The following LONRF2 variants were observed in gnomAD, a reference collection of about 807,000 sequenced individuals.
LONRF2 encodes the protein LON peptidase N-terminal domain and ring finger 2.
Under a neutral mutation model 66.6 loss-of-function variants are expected in LONRF2, and 35 were observed. The observed-to-expected ratio is 0.53, with a 90% CI of 0.40 to 0.70. The LOEUF is 0.70. LONRF2 is among the 30% of genes least tolerant of loss of function. The pLI is 0.00. For missense variants in LONRF2, 902 were observed against 1,002.1 expected (o/e 0.90, Z 1.35); for synonymous variants, 417 against 418.1 (o/e 1.00, Z 0.03).
chr2:100,293,982 G>A (rs768200656), intron 9 of LONRF2, among the ~76,000 whole-genome samples: 6 of 152,172 alleles, frequency 3.9e-5, no homozygotes, highest in Non-Finnish European at 8.8e-5. Flanking sequence ...GGAAGCATGA[G>A]CTGTCACAAG....
intron 9 of LONRF2, among the ~76,000 whole-genome samples, chr2:100,292,285 C>G (rs1040554646): frequency 2.0e-5 from 3 of 152,200 alleles, no homozygotes; most frequent in African/African-American, 7.2e-5. Context: ...CATGACTCAT[C>G]AAGGAGCCTC....
intron 1 of LONRF2, among the ~76,000 whole-genome samples, chr2:100,311,911 C>A (rs999020660): frequency 1.3e-5 from 2 of 152,250 alleles, no homozygotes; most frequent in African/African-American, 4.8e-5. Context: ...GTCTTAACTC[C>A]TATTACACTG....
At chr2:100,318,033 A>G (rs977732820) in intron 1 of LONRF2, among the ~76,000 whole-genome samples, 2 of 152,150 alleles carry the variant, frequency 1.3e-5, no homozygotes, top group Non-Finnish European at 2.9e-5. Context: ...ATTCTCAATT[A>G]CTTTTTTCTT....
intron 11 of LONRF2, 98 bp downstream of exon 11, chr2:100,286,816 G>A (rs976832140): frequency 7.1e-7 from 1 of 1,399,900 alleles, no homozygotes; most frequent in Non-Finnish European, 9.7e-7. Flanking sequence ...CCACATTGGG[G>A]TAACCAGCAT....
Position 100,272,191 on chromosome 2 carries a change from A to G in LONRF2, c.*12107T>C, listed in dbSNP as rs113591065. Among the ~76,000 whole-genome samples, 411 of 152,370 alleles carry G rather than the reference A, an allele frequency of 2.7e-3. 2 individuals carry two copies. The highest frequency in any genetic ancestry group is 3.3e-3 in the Non-Finnish European group (226 of 68,038). On this transcript the variant is annotated 3_prime_UTR_variant, in exon 12 of 12. Coordinates refer to ENST00000393437, the MANE Select transcript of LONRF2 (RefSeq NM_198461.4). ...TAACCAACACAAGATTGTCCTAAGA[A>G]GAAAAAGATGATCAAAGAGTATGCA...
At chr2:100,317,319 T>C (rs1291376735) in intron 1 of LONRF2, among the ~76,000 whole-genome samples, 1 of 152,132 alleles carries the variant, frequency 6.6e-6, no homozygotes, top group East Asian at 1.9e-4. Context: ...CTATTGGTGG[T>C]TACCCAAGAC....
At position 100,321,968 on chromosome 2, in the gene LONRF2, T is replaced by G; in HGVS notation, c.126A>C (p.Ala42=). The part of the protein sequence containing the change: ...EAFRAGDYEM[A]AELFRSMLAG... ...CTAGCATGGAGCGAAAGAGCTCGGC[T>G]GCCATCTCGTAGTCGCCCGCGCGGA... is the stretch of plus-strand genomic sequence containing the variant. The change falls in exon 1 of 12, where the codon GCA becomes GCC. Residue 42 remains alanine, a synonymous_variant. Coordinates refer to ENST00000393437, the MANE Select transcript of LONRF2 (RefSeq NM_198461.4). 1 of 1,468,558 alleles carries G rather than the reference T, an allele frequency of 6.8e-7. No homozygotes were observed. 91.0% of individuals were successfully genotyped at this position (1,468,558 alleles called of 1,614,324 possible).
At position 100,282,318 on chromosome 2, in the gene LONRF2, T is replaced by A. The variant is rs1186576798; in HGVS notation, c.*1980A>T. 1 of 152,176 alleles carries A rather than the reference T, an allele frequency of 6.6e-6. No homozygotes were observed. The highest frequency in any genetic ancestry group is 1.5e-5 in the Non-Finnish European group (1 of 68,028). The allele number at this position is 152,176 out of a possible 1,614,324, so 9.4% of individuals were successfully genotyped here. ...TTATAGCAAGCATACCAGCTTTACT[T>A]CAGGAAGGCTCGTGGAGAAGCTGTG... On this transcript the variant is annotated 3_prime_UTR_variant, in exon 12 of 12. Coordinates refer to ENST00000393437, the MANE Select transcript of LONRF2 (RefSeq NM_198461.4).
chr2:100,287,207 CA>C, intron 10 of LONRF2, 144 bp from the exon 11 acceptor site: 1 of 744,036 alleles, frequency 1.3e-6, no homozygotes, highest in Non-Finnish European at 2.0e-6. Flanking sequence ...GGTACATGCT[CA>C]ATATAGAAAT....
rs375610338 is a variant in LONRF2 at position 100,283,420 on chromosome 2, T to A, written c.*878A>T. 4 of 152,190 alleles carry A rather than the reference T, an allele frequency of 2.6e-5. No homozygotes were observed. The highest frequency in any genetic ancestry group is 1.3e-4 in the Admixed American group (2 of 15,284). 9.4% of individuals were successfully genotyped at this position (152,190 alleles called of 1,614,324 possible). A position where few individuals can be genotyped will look rare whatever the true frequency, so the allele number is the denominator to read the frequency against. On this transcript the variant is annotated 3_prime_UTR_variant, in exon 12 of 12. Transcript: ENST00000393437. ...ATTTACTGATGGGGCTAATTTCTAA[T>A]GCAAATCCCAATAGAAAAAGATGAC...
At chr2:100,300,010 GA>G (rs914379918) in intron 4 of LONRF2, 92 bp from the exon 5 acceptor site, 54 of 360,800 alleles carry the variant, frequency 1.5e-4, no homozygotes, top group Non-Finnish European at 2.1e-4. Flanking sequence ...GAAATCTTTG[GA>G]AAAAAAAAGG....
At chr2:100,287,571 C>T (rs1244181768) in intron 10 of LONRF2, among the ~76,000 whole-genome samples, 2 of 152,146 alleles carry the variant, frequency 1.3e-5, no homozygotes, top group Admixed American at 1.3e-4. Flanking sequence ...TCCATATCAC[C>T]AAACTATATT....
chr2:100,304,485 T>C (rs530195413), intron 2 of LONRF2, among the ~76,000 whole-genome samples: 1 of 152,182 alleles, frequency 6.6e-6, no homozygotes, highest in Non-Finnish European at 1.5e-5. Context: ...TTGAGATTGC[T>C]CTTAAGTCAA....
Position 100,321,786 on chromosome 2 carries a change from A to G in LONRF2, c.308T>C (p.Val103Ala). The G allele has an allele frequency of 9.5e-7, 1 of 1,052,410 alleles. No homozygotes were observed. 65.2% of individuals were successfully genotyped at this position (1,052,410 alleles called of 1,614,324 possible). Reference sequence around the variant, plus strand: ...CCGGTCGCGCAGGCCCACGGCGCGCACCAGGCCGCCCGCCAGCTCTTCCAG... The same window carrying G: ...CCGGTCGCGCAGGCCCACGGCGCGCGCCAGGCCGCCCGCCAGCTCTTCCAG... ...EELEELAGGL[V>A]RAVGLRDRPL... Residue 103 changes from valine (V) to alanine (A), a missense_variant, in exon 1 of 12, where the codon GTG becomes GCG. Val to Ala is a moderately conservative substitution (Grantham distance 64). Transcript: ENST00000393437.
intron 1 of LONRF2, among the ~76,000 whole-genome samples, chr2:100,318,343 C>T (rs1176845986): frequency 6.6e-6 from 1 of 152,132 alleles, no homozygotes; most frequent in Non-Finnish European, 1.5e-5. Flanking sequence ...TATTTTCATA[C>T]ATTTATTTAC....
chr2:100,311,656 GTT>G (rs1675411088), intron 1 of LONRF2, among the ~76,000 whole-genome samples: 1 of 152,098 alleles, frequency 6.6e-6, no homozygotes, highest in African/African-American at 2.4e-5. Context: ...TGTGTCTAAT[GTT>G]TTAACATAAA....
intron 10 of LONRF2, among the ~76,000 whole-genome samples, chr2:100,289,813 T>C (rs114153512): frequency 0.017 from 2,652 of 152,254 alleles, 76 homozygotes; most frequent in African/African-American, 0.061. Context: ...AAATAACTGC[T>C]GAAGGCAGGG....
rs915365976 is a variant in LONRF2, at chr2:100,280,429, T to C, written c.*3869A>G. The C allele has an allele frequency of 6.6e-6, 1 of 152,150 alleles. No individual in the cohort carries two copies. The highest frequency in any genetic ancestry group is 1.5e-5 in the Non-Finnish European group (1 of 68,044). 9.4% of individuals were successfully genotyped at this position (152,150 alleles called of 1,614,324 possible). ...AGAATGTGGCCTTTGGGAAGGACGATGTTGAAGGGGAAGAACTCCTTCCAC... is the reference window on the plus strand; with the variant it reads ...AGAATGTGGCCTTTGGGAAGGACGACGTTGAAGGGGAAGAACTCCTTCCAC... On this transcript the variant is annotated 3_prime_UTR_variant, in exon 12 of 12. Coordinates refer to ENST00000393437, the MANE Select transcript of LONRF2 (RefSeq NM_198461.4).
At chr2:100,316,682 G>T (rs1675515466) in intron 1 of LONRF2, among the ~76,000 whole-genome samples, 1 of 152,266 alleles carries the variant, frequency 6.6e-6, no homozygotes, top group Non-Finnish European at 1.5e-5. Context: ...TGCAGTAGTT[G>T]TATGTAGTGA....
Sources: gnomAD v4.1 joint callset for allele counts (sites outside exome capture counted in the v4.1 genomes callset) on GRCh38, gnomAD v4.1.1 for gene constraint, MANE v1.5 for transcripts, NCBI Gene and HGNC (gene_info 2026-07-23, HGNC 2026-07-21) for gene names.